SYT17: variants seen among roughly 807,000 people sequenced by gnomAD.
SYT17 encodes synaptotagmin-17.
In SYT17, 22 loss-of-function variants were observed where a neutral mutation model predicts 46.7. The observed-to-expected ratio is 0.47, with a 90% CI of 0.34 to 0.67. The LOEUF is 0.67. Among genes scored for constraint, SYT17 ranks in the 30% least tolerant of loss-of-function variants. SYT17 has a pLI of 0.01. For missense variants in SYT17, 519 were observed against 612.8 expected, an observed-to-expected ratio of 0.85 and a Z score of 1.62; for synonymous variants, 251 against 248.4, an observed-to-expected ratio of 1.01 and a Z score of -0.10.
chr16:19,250,355 ATGTTTGTGTGTG>A (rs995737482), intron 7 of SYT17, among the ~76,000 whole-genome samples: 2 of 86,282 alleles, frequency 2.3e-5, no homozygotes, highest in African/African-American at 8.9e-5. Context: ...TGTCTCAAAC[ATGTTTGTGTGTG>A]TGTGTGTGTG....
At chr16:19,237,897 A>G (rs575273453) in intron 7 of SYT17, among the ~76,000 whole-genome samples, 70 of 152,342 alleles carry the variant, frequency 4.6e-4, no homozygotes, top group African/African-American at 1.6e-3. Flanking sequence ...TTGGGGGACT[A>G]TGAGTTTGCA....
chr16:19,208,881 CTTCT>C (rs1375659708), intron 5 of SYT17, among the ~76,000 whole-genome samples: 2 of 54,462 alleles, frequency 3.7e-5, no homozygotes, highest in African/African-American at 1.6e-4. Flanking sequence ...CTACAAGGAC[CTTCT>C]TTTTTTTTTT....
chr16:19,246,049 G>C (rs531602261), intron 7 of SYT17, among the ~76,000 whole-genome samples: 1 of 149,706 alleles, frequency 6.7e-6, no homozygotes. Context: ...TCTGTCATCC[G>C]GGCTGGAGTC....
chr16:19,200,759 G>A (rs1482827635), intron 5 of SYT17, among the ~76,000 whole-genome samples: 1 of 152,218 alleles, frequency 6.6e-6, no homozygotes, highest in Non-Finnish European at 1.5e-5. Flanking sequence ...TACAGCTGGT[G>A]TTGGCCTCAA....
At chr16:19,213,131 G>C (rs950081529) in intron 5 of SYT17, among the ~76,000 whole-genome samples, 5 of 152,166 alleles carry the variant, frequency 3.3e-5, no homozygotes, top group African/African-American at 1.2e-4. Context: ...CAAAGAAAAT[G>C]AGCACTAAAA....
chr16:19,253,098 A>G (rs1032082977), intron 7 of SYT17, among the ~76,000 whole-genome samples: 4 of 152,190 alleles, frequency 2.6e-5, no homozygotes, highest in Non-Finnish European at 5.9e-5. Flanking sequence ...ACTACAGCCC[A>G]CTTCCTGATT....
intron 5 of SYT17, among the ~76,000 whole-genome samples, chr16:19,190,769 TGTGTGTG>T (rs1964983181): frequency 1.2e-3 from 1 of 858 alleles, no homozygotes; most frequent in Non-Finnish European, 2.3e-3. Context: ...ATAATATTCC[TGTGTGTG>T]TGTGTGTGTG....
rs1185941046 is a variant in SYT17, at chr16:19,180,544, G to A, written c.331+5G>A. ...GCCTGACGCGGAGGATTTCGAGTAAGTATCTCTGCTTTACCTTTCTGGGGG... is the reference window on the plus strand; with the variant it reads ...GCCTGACGCGGAGGATTTCGAGTAAATATCTCTGCTTTACCTTTCTGGGGG... On this transcript the variant is annotated splice_donor_5th_base_variant and intron_variant, in intron 4 of 7. Coordinates refer to ENST00000355377, the MANE Select transcript of SYT17 (RefSeq NM_016524.4). 1.9e-6 allele frequency: 3 copies of A among 1,614,060 alleles called. No individual in the cohort carries two copies. In the Admixed American group the frequency reaches 5.0e-5, roughly 27 times the overall value.
chr16:19,234,616 A>G (rs937501478), intron 7 of SYT17, among the ~76,000 whole-genome samples: 2 of 152,336 alleles, frequency 1.3e-5, no homozygotes, highest in Admixed American at 6.5e-5. Flanking sequence ...ACCTGGAATT[A>G]CACAGACTTG....
intron 7 of SYT17, among the ~76,000 whole-genome samples, chr16:19,252,831 T>C (rs1322137849): frequency 2.0e-5 from 3 of 151,802 alleles, no homozygotes; most frequent in Non-Finnish European, 2.9e-5. Context: ...GCCAGGAAGA[T>C]CCCCTCCCCC....
chr16:19,234,083 T>C (rs1026348664), intron 7 of SYT17, among the ~76,000 whole-genome samples: 2 of 152,228 alleles, frequency 1.3e-5, no homozygotes, highest in African/African-American at 2.4e-5. Flanking sequence ...CCCAGCACTA[T>C]GGGGGGCCTA....
intron 5 of SYT17, among the ~76,000 whole-genome samples, chr16:19,204,931 T>C (rs913955033): frequency 1.3e-5 from 2 of 151,890 alleles, no homozygotes; most frequent in Non-Finnish European, 2.9e-5. Flanking sequence ...CCCGCATTTA[T>C]CCCCAAACCC....
At chr16:19,231,158 G>A (rs1476444902) in intron 7 of SYT17, among the ~76,000 whole-genome samples, 1 of 152,182 alleles carries the variant, frequency 6.6e-6, no homozygotes, top group Non-Finnish European at 1.5e-5. Flanking sequence ...TGGAGGTAAA[G>A]TTTTGGAGAA....
chr16:19,208,973 A>G (rs1016891425), intron 5 of SYT17, among the ~76,000 whole-genome samples: 3 of 134,890 alleles, frequency 2.2e-5, no homozygotes, highest in Admixed American at 1.7e-4. Context: ...GCTCACTGCA[A>G]TCTCTGCCTT....
intron 5 of SYT17, among the ~76,000 whole-genome samples, chr16:19,205,106 AC>A (rs534751884): frequency 1.8e-4 from 28 of 152,006 alleles, no homozygotes; most frequent in African/African-American, 5.6e-4. Flanking sequence ...GCATTTCTCA[AC>A]CCAGCAGCCA....
chr16:19,230,734 T>G (rs754676791), intron 7 of SYT17, among the ~76,000 whole-genome samples: 2 of 152,176 alleles, frequency 1.3e-5, no homozygotes, highest in Non-Finnish European at 2.9e-5. Flanking sequence ...ATTTGTGACT[T>G]ACTTGCTGTG....
intron 5 of SYT17, among the ~76,000 whole-genome samples, chr16:19,221,815 G>A (rs919495739): frequency 3.3e-5 from 5 of 152,200 alleles, no homozygotes; most frequent in African/African-American, 9.6e-5. Context: ...TTAGATTATA[G>A]ATAGATGAGA....
chr16:19,211,205 G>A (rs1013667661), intron 5 of SYT17: 8 of 467,752 alleles, frequency 1.7e-5, no homozygotes, highest in Non-Finnish European at 2.6e-5. Flanking sequence ...TTGTGACATC[G>A]CTTCCACAAG....
chr16:19,169,003 G>T (rs960215852), intron 1 of SYT17, among the ~76,000 whole-genome samples: 2 of 151,776 alleles, frequency 1.3e-5, no homozygotes, highest in African/African-American at 4.8e-5. Flanking sequence ...GGGGAGGGCG[G>T]CCCGGGGCGC....
Sources: gnomAD v4.1 joint callset for allele counts (sites outside exome capture counted in the v4.1 genomes callset) on GRCh38, gnomAD v4.1.1 for gene constraint, MANE v1.5 for transcripts, NCBI Gene and HGNC (gene_info 2026-07-23, HGNC 2026-07-21) for gene names.